KMT2C: variants seen among roughly 807,000 people sequenced by gnomAD.
KMT2C encodes the protein histone-lysine N-methyltransferase 2C.
KMT2C carries 88 observed loss-of-function variants against 507.9 expected under a neutral mutation model. The ratio of observed to expected loss-of-function variants is 0.17; its 90% CI spans 0.15 to 0.21. The LOEUF (loss-of-function observed/expected upper bound fraction) is 0.21. Ranked by LOEUF, KMT2C falls within the 10% of genes least tolerant of loss-of-function variation. The pLI is 1.00. For synonymous variants in KMT2C, 2,049 were observed against 2,080.8 expected, an observed-to-expected ratio of 0.98 and a Z score of 0.42; for missense variants, 4,954 against 5,957.8, an observed-to-expected ratio of 0.83 and a Z score of 5.55.
At chr7:152,309,841 A>C (rs1296601172) in intron 6 of KMT2C, 125 bp downstream of exon 6, 3 of 659,934 alleles carry the variant, frequency 4.5e-6, no homozygotes, top group Non-Finnish European at 7.7e-6. Context: ...CTTAATAAAA[A>C]TTAATAATTT....
chr7:152,352,325 C>T (rs563826650), intron 2 of KMT2C, among the ~76,000 whole-genome samples: 3 of 152,216 alleles, frequency 2.0e-5, no homozygotes, highest in African/African-American at 4.8e-5. Flanking sequence ...AATGCGTGCC[C>T]GAAACTTCAT....
chr7:152,239,384 T>C (rs1489440295), intron 14 of KMT2C, among the ~76,000 whole-genome samples: 1 of 152,160 alleles, frequency 6.6e-6, no homozygotes, highest in Admixed American at 6.5e-5. Flanking sequence ...GCAAATACCA[T>C]TATAATCTAA....
Position 152,237,907 on chromosome 7 carries a change from T to A in KMT2C, c.2652+800A>T, listed in dbSNP as rs1242522579. 3.3e-5 allele frequency among the ~76,000 whole-genome samples: 5 copies of A among 152,422 alleles called. No homozygotes were observed. In the East Asian group the frequency reaches 9.6e-4, roughly 29 times the overall value. ...TCAATTTATTTTCTCGAACATGAAA[T>A]GCTGACCCAGAAAAAAAGTAAGTGA... On this transcript the variant is annotated intron_variant, in intron 15 of 58. Transcript: ENST00000262189.
intron 7 of KMT2C, among the ~76,000 whole-genome samples, chr7:152,268,022 G>A (rs1391336321): frequency 2.0e-5 from 3 of 152,132 alleles, no homozygotes; most frequent in African/African-American, 7.2e-5. Flanking sequence ...ACTCACGCCT[G>A]TAATCCCAGC....
intron 3 of KMT2C, among the ~76,000 whole-genome samples, chr7:152,317,143 C>T (rs2096729468): frequency 1.3e-5 from 2 of 152,056 alleles, no homozygotes; most frequent in Non-Finnish European, 2.9e-5. Context: ...TCAAAACTAT[C>T]GCTTAAATGT....
intron 1 of KMT2C, among the ~76,000 whole-genome samples, chr7:152,412,344 T>C (rs1425943907): frequency 6.6e-6 from 1 of 152,220 alleles, no homozygotes; most frequent in East Asian, 1.9e-4. Flanking sequence ...GAGGTTGCAG[T>C]GAGCTGAGAT....
At chr7:152,321,567 A>G (rs1349811580) in intron 3 of KMT2C, among the ~76,000 whole-genome samples, 1 of 151,952 alleles carries the variant, frequency 6.6e-6, no homozygotes, top group Non-Finnish European at 1.5e-5. Flanking sequence ...AACAAATTTG[A>G]TAAAGTAGCA....
chr7:152,345,402 A>T (rs1379988965), intron 2 of KMT2C, among the ~76,000 whole-genome samples: 2 of 152,218 alleles, frequency 1.3e-5, no homozygotes, highest in Admixed American at 6.5e-5. Flanking sequence ...TGATGGCACC[A>T]CTGCACTCCA....
intron 37 of KMT2C, among the ~76,000 whole-genome samples, chr7:152,178,329 A>G (rs1227456534): frequency 6.6e-6 from 1 of 152,150 alleles, no homozygotes; most frequent in Non-Finnish European, 1.5e-5. Flanking sequence ...GAACAATACT[A>G]CTGGACTTTT....
intron 11 of KMT2C, 97 bp downstream of exon 11, chr7:152,251,842 A>G (rs535390487): frequency 2.7e-6 from 2 of 729,508 alleles, no homozygotes; most frequent in East Asian, 2.9e-5. Flanking sequence ...TCTGGAATAC[A>G]GGATCCTCTC....
In KMT2C at chr7:152,260,597, G is replaced by T. The variant is rs530379953; in HGVS notation, c.1299+2419C>A. The stretch of plus-strand genomic sequence containing the variant: ...ATTTTTTAAAGTTAAGATTTTTCTT[G>T]TGACAGCATAAACTGAAAAAACTGA... On this transcript the variant is annotated intron_variant, in intron 9 of 58. Coordinates refer to ENST00000262189, the MANE Select transcript of KMT2C (RefSeq NM_170606.3). Among the ~76,000 whole-genome samples the T allele has an allele frequency of 5.9e-4, 90 of 152,180 alleles. 2 individuals carry two copies. In the Middle Eastern group the frequency reaches 0.014, roughly 23 times the overall value.
At chr7:152,395,489 A>G (rs1421842943) in intron 1 of KMT2C, among the ~76,000 whole-genome samples, 3 of 149,788 alleles carry the variant, frequency 2.0e-5, no homozygotes, top group Non-Finnish European at 4.4e-5. Flanking sequence ...GTGCCTAACC[A>G]TTTTTAAGTT....
chr7:152,156,511 C>T (rs978367421), intron 44 of KMT2C, among the ~76,000 whole-genome samples, 165 bp from the exon 45 acceptor site: 19 of 152,240 alleles, frequency 1.2e-4, no homozygotes, highest in Admixed American at 8.5e-4. Context: ...GGCCAGGAGG[C>T]TTCTTAGTGG....
At chr7:152,281,858 A>T (rs1488498998) in intron 6 of KMT2C, among the ~76,000 whole-genome samples, 1 of 152,186 alleles carries the variant, frequency 6.6e-6, no homozygotes, top group Non-Finnish European at 1.5e-5. Flanking sequence ...TTCAAGCCCA[A>T]TGAGTCAGGA....
intron 2 of KMT2C, among the ~76,000 whole-genome samples, chr7:152,333,447 A>G (rs1297761118): frequency 1.3e-5 from 2 of 152,142 alleles, no homozygotes; most frequent in Admixed American, 6.6e-5. Flanking sequence ...TCTTTGAAGA[A>G]CTTATTATCC....
rs1217182001 is a variant in KMT2C at position 152,148,137 on chromosome 7, C to A, written c.13790G>T (p.Arg4597Leu). 2 of 1,613,780 alleles carry A rather than the reference C, an allele frequency of 1.2e-6. No homozygotes were observed. The highest frequency in any genetic ancestry group is 3.3e-5 in the Admixed American group (2 of 60,004). Residue 4597 changes from arginine to leucine, a missense_variant, in exon 52 of 59, where the codon CGC (arginine) becomes CTC (leucine). Coordinates refer to ENST00000262189, the MANE Select transcript of KMT2C (RefSeq NM_170606.3). This position sits in a 1 kb window ranked among gnomAD's most constrained non-coding sequence, Gnocchi z 7.1. ...WSTRYANRRC[R>L]YLCSIEEKDG... ...CTTCTCCTCAATGGAGCACAGGTAGCGGCAGCGCCTATTGGCATAGCGAGT... is the reference window on the plus strand; with the variant it reads ...CTTCTCCTCAATGGAGCACAGGTAGAGGCAGCGCCTATTGGCATAGCGAGT...
At chr7:152,334,393 G>A (rs1589259849) in intron 2 of KMT2C, among the ~76,000 whole-genome samples, 2 of 152,152 alleles carry the variant, frequency 1.3e-5, no homozygotes, top group East Asian at 1.9e-4. Flanking sequence ...CGGAGGTTGC[G>A]GTGAGCCGAG....
chr7:152,199,153 T>C (rs1383624804), intron 27 of KMT2C, 126 bp downstream of exon 27: 7 of 696,884 alleles, frequency 1.0e-5, no homozygotes, highest in Admixed American at 7.3e-5. Context: ...ATGTAAGTTA[T>C]ACTTCAATGC....
intron 1 of KMT2C, among the ~76,000 whole-genome samples, chr7:152,417,924 G>A (rs1589903158): frequency 7.4e-6 from 1 of 135,452 alleles, no homozygotes; most frequent in African/African-American, 3.0e-5. Flanking sequence ...TTACAGGCAT[G>A]AGCCACCGCG....
Sources: allele counts gnomAD v4.1 joint callset (sites outside exome capture counted in the v4.1 genomes callset), GRCh38; gene constraint gnomAD v4.1.1; non-coding constraint Gnocchi (gnomAD v3.1); transcripts MANE v1.5; gene names NCBI Gene and HGNC (gene_info 2026-07-23, HGNC 2026-07-21).